Variants in SCHIP1 observed in about 807,000 individuals in gnomAD.
SCHIP1 encodes the protein schwannomin-interacting protein 1.
A neutral mutation model predicts 29.7 loss-of-function variants in SCHIP1; 8 were observed. The observed-to-expected ratio is 0.27, with a 90% confidence interval of 0.16 to 0.49. SCHIP1 has a LOEUF of 0.49. Ranked by LOEUF, SCHIP1 falls within the 20% of genes least tolerant of loss-of-function variation. The pLI is 0.99. For missense variants in SCHIP1, 193 were observed against 294.6 expected, an observed-to-expected ratio of 0.66 and a Z score of 2.52; for synonymous variants, 76 against 94.9, an observed-to-expected ratio of 0.80 and a Z score of 1.16.
chr3:159,676,362 A>T, the SCHIP1 span, among the ~76,000 whole-genome samples: 13 of 152,220 alleles, frequency 8.5e-5, no homozygotes, highest in African/African-American at 3.1e-4. Context: ...TTCCATTTAA[A>T]TCATAGCTAA....
chr3:159,746,871 T>A, the SCHIP1 span, among the ~76,000 whole-genome samples: 1 of 152,208 alleles, frequency 6.6e-6, no homozygotes, highest in Non-Finnish European at 1.5e-5. Flanking sequence ...CTTCAGCAAC[T>A]TTTGATTATA....
the SCHIP1 span, among the ~76,000 whole-genome samples, chr3:159,731,981 G>C: frequency 6.6e-6 from 1 of 152,018 alleles, no homozygotes; most frequent in African/African-American, 2.4e-5. Context: ...TGAGTAGCTG[G>C]GAGGCCGCCA....
intron 2 of SCHIP1, among the ~76,000 whole-genome samples, chr3:159,882,918 C>T (rs1285123461): frequency 1.3e-5 from 2 of 152,172 alleles, no homozygotes; most frequent in Non-Finnish European, 2.9e-5. Flanking sequence ...ACACTGAGGC[C>T]ACTCCTGCTC....
the SCHIP1 span, chr3:159,398,928 A>C: frequency 1.0e-6 from 1 of 981,662 alleles, no homozygotes; most frequent in African/African-American, 1.7e-5. Flanking sequence ...ACAGAACTTA[A>C]ATTTGTAGAG....
At chr3:159,312,041 A>T in the SCHIP1 span, among the ~76,000 whole-genome samples, 1 of 152,206 alleles carries the variant, frequency 6.6e-6, no homozygotes, top group African/African-American at 2.4e-5. Context: ...AAGGGCAAGG[A>T]AGTTATAAGA....
chr3:159,730,244 C>T, the SCHIP1 span, among the ~76,000 whole-genome samples: 24 of 152,188 alleles, frequency 1.6e-4, no homozygotes, highest in Non-Finnish European at 3.4e-4. Flanking sequence ...ACTGTAAATG[C>T]TGGTGCCAAA....
the SCHIP1 span, among the ~76,000 whole-genome samples, chr3:159,631,589 A>AT: frequency 6.6e-6 from 1 of 152,230 alleles, no homozygotes; most frequent in Admixed American, 6.5e-5. Flanking sequence ...CCAACATTGT[A>AT]TGGTTCCACT....
chr3:159,753,979 A>G, the SCHIP1 span, among the ~76,000 whole-genome samples: 1 of 152,122 alleles, frequency 6.6e-6, no homozygotes, highest in Non-Finnish European at 1.5e-5. Flanking sequence ...GCATCATTTG[A>G]GTCCACTTTT....
At chr3:159,355,383 C>G in the SCHIP1 span, among the ~76,000 whole-genome samples, 2 of 152,080 alleles carry the variant, frequency 1.3e-5, no homozygotes, top group East Asian at 3.8e-4. Flanking sequence ...ATTGAACCCC[C>G]CAACGCTGTT....
chr3:159,827,989 T>G, the SCHIP1 span, among the ~76,000 whole-genome samples: 2 of 152,046 alleles, frequency 1.3e-5, no homozygotes, highest in African/African-American at 4.8e-5. Context: ...CTCATTAAAT[T>G]TCTATAAGGA....
At chr3:159,719,282 A>T in the SCHIP1 span, among the ~76,000 whole-genome samples, 1 of 152,240 alleles carries the variant, frequency 6.6e-6, no homozygotes, top group Non-Finnish European at 1.5e-5. Context: ...TAAAAACCCT[A>T]GAAGAAAACC....
At chr3:159,686,703 T>A in the SCHIP1 span, among the ~76,000 whole-genome samples, 1 of 152,132 alleles carries the variant, frequency 6.6e-6, no homozygotes, top group Non-Finnish European at 1.5e-5. Flanking sequence ...ATATGAGAAA[T>A]TTTTTCTATA....
chr3:159,870,147 T>A (rs1715098347), intron 2 of SCHIP1, among the ~76,000 whole-genome samples: 1 of 152,012 alleles, frequency 6.6e-6, no homozygotes. Flanking sequence ...TCCCTGGGAT[T>A]TTTAAAGAAT....
intron 1 of SCHIP1, among the ~76,000 whole-genome samples, chr3:159,852,380 A>G (rs1264948972): frequency 6.6e-6 from 1 of 152,212 alleles, no homozygotes; most frequent in Admixed American, 6.5e-5. Context: ...ATTTTTTGGA[A>G]ATAAACACTG....
At chr3:159,323,792 A>C in the SCHIP1 span, among the ~76,000 whole-genome samples, 1 of 152,194 alleles carries the variant, frequency 6.6e-6, no homozygotes, top group Non-Finnish European at 1.5e-5. Flanking sequence ...AACTAGAAAA[A>C]AGTGAAGGCT....
chr3:159,590,125 TAGA>T, the SCHIP1 span, among the ~76,000 whole-genome samples: 5,680 of 151,966 alleles, frequency 0.037, 255 homozygotes, highest in East Asian at 0.17. Flanking sequence ...TGGCTCAGGG[TAGA>T]AGAAGAGGGT....
At chr3:159,522,762 G>A in the SCHIP1 span, among the ~76,000 whole-genome samples, 2 of 152,168 alleles carry the variant, frequency 1.3e-5, no homozygotes, top group African/African-American at 2.4e-5. Flanking sequence ...CCAGCTGCAC[G>A]GGAAGCTGAG....
the SCHIP1 span, among the ~76,000 whole-genome samples, chr3:159,332,991 C>G: frequency 2.6e-5 from 4 of 152,038 alleles, no homozygotes; most frequent in African/African-American, 9.7e-5. Context: ...GTTGGAGACA[C>G]AGAGAGACTA....
At chr3:159,775,480 C>A in the SCHIP1 span, among the ~76,000 whole-genome samples, 1 of 152,178 alleles carries the variant, frequency 6.6e-6, no homozygotes, top group South Asian at 2.1e-4. Context: ...CAGCACACAC[C>A]CCTTGCTTCC....
Sources: gnomAD v4.1 joint callset for allele counts (sites outside exome capture counted in the v4.1 genomes callset) on GRCh38, gnomAD v4.1.1 for gene constraint, MANE v1.5 for transcripts, NCBI Gene and HGNC (gene_info 2026-07-23, HGNC 2026-07-21) for gene names.